STARD9: variants seen among roughly 807,000 people sequenced by gnomAD.
The protein encoded by STARD9 is stAR-related lipid transfer protein 9.
A neutral mutation model predicts 399.8 loss-of-function variants in STARD9; 346 were observed. That is an observed-to-expected ratio of 0.87 (90% CI 0.79 to 0.95). The LOEUF is 0.95. STARD9 is among the 40% of genes least tolerant of loss of function. STARD9 has a pLI of 0.00. For synonymous variants in STARD9, 2,203 were observed against 2,143.5 expected (o/e 1.03, Z -0.77); for missense variants, 5,832 against 5,667.5 (o/e 1.03, Z -0.93).
intron 20 of STARD9, 44 bp downstream of exon 20, chr15:42,676,019 G>A (rs1385164742): frequency 1.9e-5 from 16 of 853,168 alleles, no homozygotes; most frequent in South Asian, 2.8e-5. Context: ...TACTGGGTTC[G>A]CTTCTTAGTC....
chr15:42,716,858 G>A (rs530762141), intron 27 of STARD9, 69 bp from the exon 28 acceptor site: 266 of 1,531,950 alleles, frequency 1.7e-4, no homozygotes, highest in Non-Finnish European at 1.9e-4. Flanking sequence ...CTGGTCTGTG[G>A]GAGAGCTGTT....
chr15:42,655,277 G>T (rs1345079461), intron 9 of STARD9, among the ~76,000 whole-genome samples: 2 of 152,148 alleles, frequency 1.3e-5, no homozygotes, highest in Admixed American at 6.5e-5. Flanking sequence ...GTGAGACTTC[G>T]TCTCAAAAAC....
In STARD9 at chr15:42,662,811, G is replaced by T; in HGVS notation, c.788G>T (p.Ser263Ile). The change falls in exon 11 of 33, where the codon AGT (serine) becomes ATT (isoleucine). Residue 263 changes from serine (S) to isoleucine (I), a missense_variant. By Grantham distance (142) the Ser-to-Ile change is moderately radical. Transcript: ENST00000290607. ...DLAGSERADPSYCKDRIAEGA... is the reference protein window; with the variant it reads ...DLAGSERADPIYCKDRIAEGA... ...TGTTTTAGCGAAAGAGCAGATCCCA[G>T]TTACTGTAAGGACCGCATTGCTGAA... 1 of 1,537,422 alleles carries T rather than the reference G, an allele frequency of 6.5e-7. No individual in the cohort carries two copies. Among genetic ancestry groups the T allele is most frequent in the African/African-American group, 1.4e-5 (1 of 73,152 alleles).
At chr15:42,618,826 C>A (rs1021444716) in intron 3 of STARD9, among the ~76,000 whole-genome samples, 3 of 151,708 alleles carry the variant, frequency 2.0e-5, no homozygotes, top group African/African-American at 7.3e-5. Context: ...CCTGCCTCGG[C>A]CTTTCAAAGT....
Position 42,663,316 on chromosome 15 carries a change from C to T in STARD9, c.904C>T (p.Leu302Phe), listed in dbSNP as rs1409350598. The T allele has an allele frequency of 3.3e-6, 5 of 1,537,226 alleles. No homozygotes were observed. The Admixed American group carries it at 5.9e-5, about 18-fold the overall frequency. The change falls in exon 12 of 33, where the codon CTC (leucine) becomes TTC (phenylalanine). Residue 302 changes from leucine (L) to phenylalanine (F), a missense_variant. Coordinates refer to ENST00000290607, the MANE Select transcript of STARD9 (RefSeq NM_020759.3). ...NSQVFSSCQS[L>F]NSSVSNGGDS... ...CCAAGTTTTCAGCAGCTGCCAGAGC[C>T]TCAACAGCTCAGTCAGCAATGGTGG...
Position 42,684,280 on chromosome 15 carries a change from G to T in STARD9, c.2702G>T (p.Gly901Val), listed in dbSNP as rs768395748. 3.9e-6 allele frequency: 6 copies of T among 1,537,058 alleles called. No homozygotes were observed. The African/African-American group carries it at 8.2e-5, about 21-fold the overall frequency. Residue 901 changes from glycine to valine, a missense_variant, in exon 23 of 33, where the codon GGG (glycine) becomes GTG (valine). This residue lies in a region of STARD9 where 5,828 missense variants were observed against 5,651.1 expected (regional missense o/e 1.03). Transcript: ENST00000290607. Reference protein sequence around the residue: ...RKNGLHSSGHGQPCTARAALA... With the variant: ...RKNGLHSSGHVQPCTARAALA... ...AACGGCCTGCATTCCTCAGGTCATG[G>T]GCAGCCCTGCACAGCCAGAGCAGCC...
intron 15 of STARD9, among the ~76,000 whole-genome samples, chr15:42,668,341 A>G (rs1757151463): frequency 6.6e-6 from 1 of 151,460 alleles, no homozygotes. Context: ...TTTTTTAACT[A>G]TTCCCTTTAT....
Position 42,681,534 on chromosome 15 carries a change from C to G in STARD9, c.1987C>G (p.Gln663Glu), listed in dbSNP as rs1030541721. 7.2e-6 allele frequency: 11 copies of G among 1,537,088 alleles called. No individual in the cohort carries two copies. Among genetic ancestry groups the G allele is most frequent in the Non-Finnish European group, 7.8e-6 (9 of 1,146,882 alleles). The stretch of plus-strand genomic sequence containing the variant: ...GAGCTACGTAGAGGATTTGAGGCAT[C>G]AAATCCTAGCAGAAGAGATTCGAGC... ...QQSYVEDLRH[Q>E]ILAEEIRAAK... The change falls in exon 21 of 33, where the codon CAA (glutamine) becomes GAA (glutamate). Residue 663 changes from glutamine to glutamate, a missense_variant. This residue lies in a region of STARD9 where 5,828 missense variants were observed against 5,651.1 expected (regional missense o/e 1.03). Coordinates refer to ENST00000290607, the MANE Select transcript of STARD9 (RefSeq NM_020759.3).
At chr15:42,617,254 T>C (rs749515597) in intron 3 of STARD9, among the ~76,000 whole-genome samples, 1 of 152,224 alleles carries the variant, frequency 6.6e-6, no homozygotes, top group Non-Finnish European at 1.5e-5. Flanking sequence ...TTATTTCACA[T>C]ATTTTGATTA....
rs2060267752 is a variant in STARD9 at position 42,674,443 on chromosome 15, G to C, written c.1501G>C (p.Gly501Arg). 1 of 1,536,936 alleles carries C rather than the reference G, an allele frequency of 6.5e-7. No individual in the cohort carries two copies. Among genetic ancestry groups the C allele is most frequent in the East Asian group, 2.4e-5 (1 of 40,926 alleles). Residue 501 changes from glycine to arginine, a missense_variant, in exon 17 of 33, where the codon GGG becomes CGG. Gly to Arg is a moderately radical substitution (Grantham distance 125). This residue lies in a region of STARD9 where 5,828 missense variants were observed against 5,651.1 expected (regional missense o/e 1.03). Coordinates refer to ENST00000290607, the MANE Select transcript of STARD9 (RefSeq NM_020759.3). ...AATGGCTTTTTTCCCCCTTTAGGAA[G>C]GGACAACAAAAATAGGAAGGATTGA... is the stretch of plus-strand genomic sequence containing the variant. ...TGVVLYHLKE[G>R]TTKIGRIDSD...
Position 42,690,363 on chromosome 15 carries a change from G to T in STARD9, c.8785G>T (p.Val2929Phe). 6.5e-7 allele frequency: 1 copy of T among 1,537,250 alleles called. No individual in the cohort carries two copies. The highest frequency in any genetic ancestry group is 8.7e-7 in the Non-Finnish European group (1 of 1,146,916). Residue 2929 changes from valine to phenylalanine, a missense_variant, in exon 23 of 33, where the codon GTC becomes TTC. Coordinates refer to ENST00000290607, the MANE Select transcript of STARD9 (RefSeq NM_020759.3). ...CCCAAGGGAAGCTTTAGATGGCCCT[G>T]TCTTCTCAAGGAACCCTGAAGGCAG... ...RHPREALDGPVFSRNPEGSRT... is the reference protein window; with the variant it reads ...RHPREALDGPFFSRNPEGSRT...
intron 16 of STARD9, chr15:42,671,722 G>T (rs1026929392): frequency 6.6e-6 from 1 of 151,150 alleles, no homozygotes; most frequent in Non-Finnish European, 1.5e-5. Flanking sequence ...AAGGGGTGGG[G>T]GGTTACTATG....
intron 26 of STARD9, among the ~76,000 whole-genome samples, chr15:42,713,172 G>A (rs183754250): frequency 4.6e-5 from 7 of 152,034 alleles, no homozygotes; most frequent in African/African-American, 9.7e-5. Context: ...AAACTTATTC[G>A]TAAGTATTTT....
chr15:42,621,034 G>A (rs905978211), intron 3 of STARD9, among the ~76,000 whole-genome samples: 4 of 152,268 alleles, frequency 2.6e-5, no homozygotes, highest in African/African-American at 7.2e-5. Flanking sequence ...GATTATAGGG[G>A]TGAGCCACCA....
chr15:42,583,569 A>G (rs1219964742), intron 2 of STARD9, among the ~76,000 whole-genome samples, 154 bp downstream of exon 2: 1 of 152,184 alleles, frequency 6.6e-6, no homozygotes, highest in Non-Finnish European at 1.5e-5. Context: ...CCAATCATAA[A>G]GCAAATCAAG....
chr15:42,576,733 T>C (rs2141629988), intron 1 of STARD9, among the ~76,000 whole-genome samples: 1 of 152,350 alleles, frequency 6.6e-6, no homozygotes, highest in East Asian at 1.9e-4. Context: ...AAGAAAGGTA[T>C]CGTCTCCCAT....
intron 1 of STARD9, among the ~76,000 whole-genome samples, chr15:42,580,491 A>C (rs565346273): frequency 1.3e-5 from 2 of 152,300 alleles, no homozygotes; most frequent in East Asian, 3.9e-4. Flanking sequence ...ATTTGGAACA[A>C]AAATGAGGGG....
intron 3 of STARD9, among the ~76,000 whole-genome samples, chr15:42,593,075 C>G (rs976525948): frequency 6.6e-6 from 1 of 152,088 alleles, no homozygotes; most frequent in Non-Finnish European, 1.5e-5. Context: ...GGCACCTCGG[C>G]GTCAAATGAG....
chr15:42,674,525 G>T (rs1330856135), intron 17 of STARD9, 34 bp downstream of exon 17: 1 of 1,528,548 alleles, frequency 6.5e-7, no homozygotes, highest in African/African-American at 1.4e-5. Context: ...CAGCATTTTG[G>T]GGCTAGTATT....
Sources: gnomAD v4.1 joint callset for allele counts (sites outside exome capture counted in the v4.1 genomes callset) on GRCh38, gnomAD v4.1.1 for gene constraint, gnomAD v4.1.1 regional missense constraint, MANE v1.5 for transcripts, NCBI Gene and HGNC (gene_info 2026-07-23, HGNC 2026-07-21) for gene names.